Variants in KIAA1217 observed in about 807,000 individuals in gnomAD.
KIAA1217 encodes sickle tail protein homolog.
In KIAA1217, 88 loss-of-function variants were observed where a neutral mutation model predicts 163.9. The ratio of observed to expected loss-of-function variants is 0.54; its 90% CI spans 0.45 to 0.64. The LOEUF is 0.64. Among genes scored for constraint, KIAA1217 ranks in the 30% least tolerant of loss-of-function variants. The probability of loss-of-function intolerance (pLI) is 0.00; values close to 1 mark genes in which losing one functional copy is unlikely to be tolerated. For missense variants in KIAA1217, 2,372 were observed against 2,475.0 expected (o/e 0.96, Z 0.88); for synonymous variants, 903 against 923.1 (o/e 0.98, Z 0.39).
At chr10:24,370,370 A>G (rs967520358) in intron 2 of KIAA1217, among the ~76,000 whole-genome samples, 1 of 152,080 alleles carries the variant, frequency 6.6e-6, no homozygotes, top group East Asian at 1.9e-4. Flanking sequence ...TATAGGTACT[A>G]TGATTAGCTT....
intron 5 of KIAA1217, among the ~76,000 whole-genome samples, chr10:24,468,612 C>T (rs113488086): frequency 0.011 from 1,708 of 152,214 alleles, 15 homozygotes; most frequent in Non-Finnish European, 0.016. Context: ...TGGATGATGG[C>T]AAGATTATTT....
In KIAA1217 at chr10:23,842,163, CG is replaced by C. The variant is rs370753262; in HGVS notation, c.-321+146931del. On this transcript the variant is annotated intron_variant, in intron 1 of 18. Coordinates refer to the KIAA1217 transcript ENST00000376462. ...GATTACAGGTGTGAGCCACCGTGCC[CG>C]GCATAGGACTTTCTTTCTTTATATC... Among the ~76,000 whole-genome samples the C allele has an allele frequency of 8.9e-4, 135 of 152,172 alleles. 1 individual carries two copies. Among genetic ancestry groups the C allele is most frequent in the Middle Eastern group, 3.4e-3 (1 of 294 alleles).
At chr10:24,229,432 C>T (rs943847123) in intron 2 of KIAA1217, among the ~76,000 whole-genome samples, 4 of 152,162 alleles carry the variant, frequency 2.6e-5, no homozygotes, top group Admixed American at 2.0e-4. Flanking sequence ...AGAATAGCCA[C>T]ATGTAGTAGA....
intron 1 of KIAA1217, among the ~76,000 whole-genome samples, chr10:23,830,581 T>C (rs1443802947): frequency 1.3e-5 from 2 of 151,772 alleles, no homozygotes; most frequent in African/African-American, 4.9e-5. Context: ...TGCAGGTATG[T>C]GTGGCATGAA....
chr10:23,901,381 T>A (rs1294534617), intron 1 of KIAA1217, among the ~76,000 whole-genome samples: 1 of 152,126 alleles, frequency 6.6e-6, no homozygotes, highest in Non-Finnish European at 1.5e-5. Context: ...TTTAACTGGC[T>A]TCAAGTTTGA....
At chr10:24,146,881 G>A (rs916508688) in intron 2 of KIAA1217, among the ~76,000 whole-genome samples, 1 of 152,092 alleles carries the variant, frequency 6.6e-6, no homozygotes, top group African/African-American at 2.4e-5. Flanking sequence ...AAGAGAAAGT[G>A]TCTTGGAAAA....
intron 8 of KIAA1217, among the ~76,000 whole-genome samples, chr10:24,500,468 A>G (rs1392079540): frequency 6.6e-6 from 1 of 151,740 alleles, no homozygotes; most frequent in African/African-American, 2.4e-5. Context: ...TACCTGTATC[A>G]ATAGAATTGC....
chr10:23,812,434 A>G (rs1048146646), intron 1 of KIAA1217, among the ~76,000 whole-genome samples: 5 of 152,202 alleles, frequency 3.3e-5, no homozygotes, highest in African/African-American at 1.2e-4. Flanking sequence ...AGGCCATAGT[A>G]GGAGCTTGGA....
intron 9 of KIAA1217, among the ~76,000 whole-genome samples, chr10:24,509,984 G>A (rs2068878277): frequency 6.6e-6 from 1 of 152,100 alleles, no homozygotes; most frequent in Non-Finnish European, 1.5e-5. Flanking sequence ...TGGCAGAAGA[G>A]GAAGGAAATC....
chr10:24,145,312 T>G (rs1792109654), intron 2 of KIAA1217, among the ~76,000 whole-genome samples: 1 of 152,238 alleles, frequency 6.6e-6, no homozygotes, highest in African/African-American at 2.4e-5. Context: ...TCACTCTGAC[T>G]TGGAGGCTTT....
intron 3 of KIAA1217, among the ~76,000 whole-genome samples, chr10:24,413,420 C>T (rs1327870564): frequency 6.6e-6 from 1 of 152,182 alleles, no homozygotes; most frequent in Non-Finnish European, 1.5e-5. Context: ...GATCCACCTG[C>T]CTTGGCTTCC....
At chr10:23,954,708 A>C (rs1419231409) in intron 1 of KIAA1217, among the ~76,000 whole-genome samples, 1 of 152,152 alleles carries the variant, frequency 6.6e-6, no homozygotes, top group African/African-American at 2.4e-5. Flanking sequence ...TATCTGCTCT[A>C]TGCTGGGAAC....
intron 1 of KIAA1217, among the ~76,000 whole-genome samples, chr10:23,863,844 C>G (rs1840062467): frequency 6.6e-6 from 1 of 152,078 alleles, no homozygotes; most frequent in African/African-American, 2.4e-5. Context: ...ACACAGCTTT[C>G]CTTATATTAC....
chr10:24,507,707 T>C (rs538811746), intron 9 of KIAA1217, among the ~76,000 whole-genome samples: 3 of 152,166 alleles, frequency 2.0e-5, no homozygotes, highest in Non-Finnish European at 4.4e-5. Flanking sequence ...AATGACTGAA[T>C]TTTTTCCAAA....
At position 24,501,453 on chromosome 10, in the gene KIAA1217, G is replaced by A. The variant is rs150674204; in HGVS notation, c.1909G>A (p.Val637Met). The change falls in exon 9 of 21, where the codon GTG becomes ATG. Residue 637 changes from valine (V) to methionine (M), a missense_variant. By Grantham distance (21) the Val-to-Met change is conservative. Transcript: ENST00000376454. ...GGTGCCTCCCAGCCAGCCTCCACCT[G>A]TGGGCACCTCAGCCATCCACATGAG... ...STVPPSQPPPVGTSAIHMSLL... is the reference protein window; with the variant it reads ...STVPPSQPPPMGTSAIHMSLL... 1.3e-3 allele frequency: 2,114 copies of A among 1,614,082 alleles called. 31 individuals are homozygous for A. The highest frequency in any genetic ancestry group is 1.3e-4 in the Non-Finnish European group (159 of 1,180,006).
chr10:23,841,256 T>C (rs1366628977), intron 1 of KIAA1217, among the ~76,000 whole-genome samples: 2 of 152,138 alleles, frequency 1.3e-5, no homozygotes, highest in Admixed American at 6.5e-5. Flanking sequence ...AAGCCTGCGA[T>C]GTAAAAGCTG....
intron 2 of KIAA1217, among the ~76,000 whole-genome samples, chr10:24,118,080 G>A (rs1589563175): frequency 6.7e-6 from 1 of 150,178 alleles, no homozygotes; most frequent in Non-Finnish European, 1.5e-5. Context: ...AATCATCTGT[G>A]TACCAAACCC....
intron 9 of KIAA1217, among the ~76,000 whole-genome samples, chr10:24,504,658 A>G (rs4747486): frequency 0.55 from 84,161 of 152,108 alleles, 24,201 homozygotes; most frequent in African/African-American, 0.7. Context: ...AAATTCAAAT[A>G]TTCTTTGAAC....
At position 24,486,498 on chromosome 10, in the gene KIAA1217, G is replaced by A. The variant is rs974394032; in HGVS notation, c.1680-8002G>A. Among the ~76,000 whole-genome samples, 9 of 152,126 alleles carry A rather than the reference G, an allele frequency of 5.9e-5. No individual in the cohort carries two copies. In the South Asian group the frequency reaches 1.5e-3, roughly 25 times the overall value. On this transcript the variant is annotated intron_variant, in intron 6 of 20. Transcript: ENST00000376454. ...GCCACAAGCCCTGGACAGGTCAACC[G>A]TCTGCCCCTCTGACATCATTTCAAT... is the stretch of plus-strand genomic sequence containing the variant.
Sources: allele counts gnomAD v4.1 joint callset (sites outside exome capture counted in the v4.1 genomes callset), GRCh38; gene constraint gnomAD v4.1.1; transcripts MANE v1.5; gene names NCBI Gene and HGNC (gene_info 2026-07-23, HGNC 2026-07-21).